The following DPYSL5 variants were observed in gnomAD, a reference collection of about 807,000 sequenced individuals.
The protein encoded by DPYSL5 is dihydropyrimidinase like 5.
Under a neutral mutation model 58.4 loss-of-function variants are expected in DPYSL5, and 9 were observed. The ratio of observed to expected loss-of-function variants is 0.15; its 90% CI spans 0.09 to 0.27. The LOEUF is 0.27. Ranked by LOEUF, DPYSL5 falls within the 10% of genes least tolerant of loss-of-function variation. The pLI is 1.00. For missense variants in DPYSL5, 499 were observed against 770.6 expected, an observed-to-expected ratio of 0.65 and a Z score of 4.17; for synonymous variants, 293 against 301.9, an observed-to-expected ratio of 0.97 and a Z score of 0.31.
chr2:26,919,711 G>A (rs1015623193), intron 2 of DPYSL5, among the ~76,000 whole-genome samples: 2 of 152,110 alleles, frequency 1.3e-5, no homozygotes, highest in African/African-American at 4.8e-5. Flanking sequence ...TTGTGAGATC[G>A]GCTGTTCCAT....
At chr2:26,883,862 C>T (rs111261381) in intron 1 of DPYSL5, among the ~76,000 whole-genome samples, 406 of 152,278 alleles carry the variant, frequency 2.7e-3, no homozygotes, top group African/African-American at 9.4e-3. Context: ...TCAGGTAGCC[C>T]GGGTTTGTGG....
At chr2:26,945,246 C>T (rs1043168942) in intron 12 of DPYSL5, among the ~76,000 whole-genome samples, 2 of 152,020 alleles carry the variant, frequency 1.3e-5, no homozygotes, top group Admixed American at 6.6e-5. Flanking sequence ...CTTCTGCTAC[C>T]CCCTCTCCTC....
chr2:26,870,276 G>T (rs1663227866), intron 1 of DPYSL5, among the ~76,000 whole-genome samples: 1 of 152,018 alleles, frequency 6.6e-6, no homozygotes, highest in Non-Finnish European at 1.5e-5. Flanking sequence ...ATTTTTATTG[G>T]GAATGGCATT....
chr2:26,878,492 T>G (rs1663468258), intron 1 of DPYSL5, among the ~76,000 whole-genome samples: 1 of 152,248 alleles, frequency 6.6e-6, no homozygotes, highest in Non-Finnish European at 1.5e-5. Context: ...TTTTCACTAT[T>G]GTATAGTCTA....
intron 1 of DPYSL5, among the ~76,000 whole-genome samples, chr2:26,883,518 C>A (rs182529534): frequency 7.0e-4 from 107 of 152,316 alleles, no homozygotes; most frequent in Admixed American, 5.2e-3. Flanking sequence ...CCCACCTCAG[C>A]CTTCCAAATA....
intron 8 of DPYSL5, among the ~76,000 whole-genome samples, chr2:26,938,226 T>A (rs973347002): frequency 9.2e-5 from 14 of 152,300 alleles, no homozygotes; most frequent in Admixed American, 7.8e-4. Flanking sequence ...TAGGAGCCTT[T>A]TCAGAAAGCT....
intron 2 of DPYSL5, among the ~76,000 whole-genome samples, chr2:26,899,377 A>G (rs1043606266): frequency 3.3e-5 from 5 of 152,174 alleles, no homozygotes; most frequent in Admixed American, 3.3e-4. Flanking sequence ...GGAGGAAACT[A>G]CATTCTGCAA....
In DPYSL5 at chr2:26,849,164, A is replaced by G. The variant is rs1333432394; in HGVS notation, c.-5+910A>G. Among the ~76,000 whole-genome samples, 2 of 151,132 alleles carry G rather than the reference A, an allele frequency of 1.3e-5. No homozygotes were observed. Among genetic ancestry groups the G allele is most frequent in the African/African-American group, 4.9e-5 (2 of 41,116 alleles). On this transcript the variant is annotated intron_variant, in intron 1 of 12. Coordinates refer to ENST00000288699, the MANE Select transcript of DPYSL5 (RefSeq NM_020134.4). This position sits in a 1 kb window ranked among gnomAD's most constrained non-coding sequence, Gnocchi z 6.2. ...AGAAGGGGCGGGGGCGGGTCCGAAG[A>G]ACGAGGGAAGGAGCTCGGTGCAGGT...
Position 26,898,467 on chromosome 2 carries a change from T to G in DPYSL5, c.-4-29T>G, listed in dbSNP as rs779621603. 38 of 1,606,102 alleles carry G rather than the reference T, an allele frequency of 2.4e-5. No homozygotes were observed. The highest frequency in any genetic ancestry group is 3.1e-5 in the Non-Finnish European group (37 of 1,174,680). On this transcript the variant is annotated intron_variant, in intron 1 of 12. Coordinates refer to ENST00000288699, the MANE Select transcript of DPYSL5 (RefSeq NM_020134.4). The surrounding 1 kb of genome is among the most constrained non-coding windows in gnomAD (Gnocchi z 6.1). Reference sequence around the variant, plus strand: ...AACTGGAAACAGTGAGAAGGGACTTTGACCTTGACCATGCTCACCTTCTTG... The same window carrying G: ...AACTGGAAACAGTGAGAAGGGACTTGGACCTTGACCATGCTCACCTTCTTG...
intron 8 of DPYSL5, among the ~76,000 whole-genome samples, chr2:26,937,714 A>T (rs1410155262): frequency 6.6e-6 from 1 of 151,766 alleles, no homozygotes; most frequent in African/African-American, 2.4e-5. Flanking sequence ...CTGGGGCTAC[A>T]CGTGTGCACC....
chr2:26,860,733 G>A (rs1665990359), intron 1 of DPYSL5, among the ~76,000 whole-genome samples: 1 of 152,168 alleles, frequency 6.6e-6, no homozygotes, highest in Admixed American at 6.5e-5. Flanking sequence ...TTCTGATGTA[G>A]AACAATCTCT....
chr2:26,895,487 G>A (rs1663987259), intron 1 of DPYSL5, among the ~76,000 whole-genome samples: 1 of 152,008 alleles, frequency 6.6e-6, no homozygotes, highest in African/African-American at 2.4e-5. Context: ...TATTTGTTGT[G>A]TGCAACATGA....
At position 26,898,543 on chromosome 2, in the gene DPYSL5, G is replaced by T; in HGVS notation, c.44G>T (p.Gly15Val). The change falls in exon 2 of 13, where the codon GGC (glycine) becomes GTC (valine). Residue 15 changes from glycine to valine, a missense_variant. Transcript: ENST00000288699. This position sits in a 1 kb window ranked among gnomAD's most constrained non-coding sequence, Gnocchi z 6.1. ...SASVRILIKG[G>V]KVVNDDCTHE... The stretch of plus-strand genomic sequence containing the variant: ...AGCGTGAGGATCCTCATCAAGGGAG[G>T]CAAGGTGGTGAACGATGACTGCACC... 1 of 1,614,172 alleles carries T rather than the reference G, an allele frequency of 6.2e-7. No homozygotes were observed.
At chr2:26,889,275 C>CTT (rs57812800) in intron 1 of DPYSL5, among the ~76,000 whole-genome samples, 1 of 146,090 alleles carries the variant, frequency 6.8e-6, no homozygotes, top group African/African-American at 2.5e-5. Context: ...GCTTATACTT[C>CTT]TTTTTTTTTT....
At chr2:26,923,770 C>T (rs191698262) in intron 2 of DPYSL5, among the ~76,000 whole-genome samples, 80 of 152,290 alleles carry the variant, frequency 5.3e-4, no homozygotes, top group African/African-American at 1.8e-3. Context: ...AAGCAATTCT[C>T]CTGCCTCAGC....
rs766648792 is a variant in DPYSL5 at position 26,944,843 on chromosome 2, C to T, written c.1609+19C>T. On this transcript the variant is annotated intron_variant, in intron 12 of 12. Transcript: ENST00000288699. The surrounding 1 kb of genome is among the most constrained non-coding windows in gnomAD (Gnocchi z 4.4). The stretch of plus-strand genomic sequence containing the variant: ...CTCTCTGGTAAGAGTCAGGGGGCCA[C>T]GGGAGGAGGATGGGGGTCTGGGAGA... The T allele has an allele frequency of 2.6e-5, 42 of 1,611,842 alleles. No homozygotes were observed. In the South Asian group the frequency reaches 3.0e-4, roughly 11 times the overall value.
intron 8 of DPYSL5, 85 bp from the exon 9 acceptor site, chr2:26,939,946 C>A (rs1378798735): frequency 2.6e-6 from 4 of 1,561,284 alleles, no homozygotes; most frequent in Admixed American, 1.7e-5. Context: ...GCTTCCCACA[C>A]GGAGGATTTT....
intron 1 of DPYSL5, among the ~76,000 whole-genome samples, chr2:26,848,814 G>A (rs560528247): frequency 6.6e-6 from 1 of 152,278 alleles, no homozygotes; most frequent in South Asian, 2.1e-4. Flanking sequence ...GACGCCTGCA[G>A]AGGACTCGCC....
Position 26,942,587 on chromosome 2 carries a change from T to C in DPYSL5, c.1277T>C (p.Leu426Pro), listed in dbSNP as rs761224549. Reference sequence around the variant, plus strand: ...CAGGTCCAGGGAGGAGACTTCAACCTGTATGAGAACATGCGCTGCCACGGC... The same window carrying C: ...CAGGTCCAGGGAGGAGACTTCAACCCGTATGAGAACATGCGCTGCCACGGC... ...STQVQGGDFN[L>P]YENMRCHGVP... Residue 426 changes from leucine (L) to proline (P), a missense_variant, in exon 11 of 13, where the codon CTG becomes CCG. Physicochemically the swap from Leu to Pro is moderately conservative, Grantham distance 98 (BLOSUM62 -3). Around this residue, in one of 3 missense-constraint regions of DPYSL5, gnomAD observed 404 missense variants for 647.6 expected, o/e 0.62. Coordinates refer to ENST00000288699, the MANE Select transcript of DPYSL5 (RefSeq NM_020134.4). This position sits in a 1 kb window ranked among gnomAD's most constrained non-coding sequence, Gnocchi z 5.9. The C allele has an allele frequency of 1.9e-6, 3 of 1,614,136 alleles. No homozygotes were observed. The Admixed American group carries it at 5.0e-5, about 27-fold the overall frequency.
Sources: gnomAD v4.1 joint callset for allele counts (sites outside exome capture counted in the v4.1 genomes callset) on GRCh38, gnomAD v4.1.1 for gene constraint, gnomAD v4.1.1 regional missense constraint, Gnocchi (gnomAD v3.1) non-coding constraint, MANE v1.5 for transcripts, NCBI Gene and HGNC (gene_info 2026-07-23, HGNC 2026-07-21) for gene names.